Variants in ZNF324B observed in about 807,000 individuals in gnomAD.
The protein encoded by ZNF324B is zinc finger protein 324B.
Under a neutral mutation model 10.6 loss-of-function variants are expected in ZNF324B, and 7 were observed. That is an observed-to-expected ratio of 0.66 (90% CI 0.38 to 1.24). The LOEUF (loss-of-function observed/expected upper bound fraction) is 1.24, where lower values mean the gene tolerates loss of function less well. ZNF324B is among the 50% of genes most tolerant of loss of function. The pLI is 0.02. For synonymous variants in ZNF324B, 316 were observed against 321.0 expected (o/e 0.98, Z 0.17); for missense variants, 640 against 764.7 (o/e 0.84, Z 1.92).
At chr19:58,419,334 T>C in the ZNF324B span, 2 of 152,140 alleles carry the variant, frequency 1.3e-5, no homozygotes, top group Non-Finnish European at 2.9e-5. Context: ...GGAGGTAAGT[T>C]ATAGACTGAC....
chr19:58,446,573 C>CTCTCTTTT, the ZNF324B span, among the ~76,000 whole-genome samples: 860 of 102,514 alleles, frequency 8.4e-3, 37 homozygotes, highest in African/African-American at 0.021. Context: ...ATTTCTTTCT[C>CTCTCTTTT]TTTTTTTTTT....
the ZNF324B span, among the ~76,000 whole-genome samples, chr19:58,421,084 T>C: frequency 1.3e-4 from 20 of 151,798 alleles, no homozygotes. Context: ...CTTCCAGCTG[T>C]TGCCATGCTA....
chr19:58,425,487 T>C, the ZNF324B span, among the ~76,000 whole-genome samples: 2 of 151,092 alleles, frequency 1.3e-5, 1 homozygote, highest in South Asian at 4.2e-4. Context: ...TTTTTTTTTT[T>C]TAGACAGAAT....
At chr19:58,423,673 T>G in the ZNF324B span, among the ~76,000 whole-genome samples, 5 of 152,106 alleles carry the variant, frequency 3.3e-5, no homozygotes, top group Admixed American at 2.0e-4. Context: ...GAAAATATAT[T>G]ACAAGGCTAT....
the ZNF324B span, chr19:58,445,441 C>T: frequency 1.9e-6 from 1 of 519,014 alleles, no homozygotes; most frequent in African/African-American, 1.9e-5. Flanking sequence ...CCTTGCTTGG[C>T]ACCAGAAACT....
upstream of ZNF324B, among the ~76,000 whole-genome samples, chr19:58,446,633 G>T (rs2122326715): frequency 7.2e-6 from 1 of 139,210 alleles, no homozygotes; most frequent in South Asian, 2.3e-4. Flanking sequence ...CTGGAGTGCA[G>T]TGGTGCGATC....
chr19:58,436,991 TG>T, the ZNF324B span: 1 of 1,611,990 alleles, frequency 6.2e-7, no homozygotes, highest in South Asian at 1.1e-5. Context: ...GAGCTTTCTA[TG>T]GGGAAAAGAC....
chr19:58,434,936 A>C, the ZNF324B span: 1 of 1,614,164 alleles, frequency 6.2e-7, no homozygotes, highest in South Asian at 1.1e-5. Context: ...TACCATCTAA[A>C]GGGCTTCCCT....
the ZNF324B span, among the ~76,000 whole-genome samples, chr19:58,439,291 C>T: frequency 1.3e-5 from 2 of 152,206 alleles, no homozygotes; most frequent in Admixed American, 6.5e-5. Flanking sequence ...CACTAGGCAT[C>T]CATAGGGCGT....
chr19:58,435,932 T>C, the ZNF324B span, among the ~76,000 whole-genome samples: 1 of 152,112 alleles, frequency 6.6e-6, no homozygotes, highest in Non-Finnish European at 1.5e-5. Context: ...ACCTAAAAAA[T>C]GGAAACAAGC....
the ZNF324B span, among the ~76,000 whole-genome samples, chr19:58,420,910 T>C: frequency 7.2e-3 from 1,098 of 151,594 alleles, 14 homozygotes; most frequent in African/African-American, 0.024. Flanking sequence ...TTCACCATGC[T>C]GGCCAGGCTG....
chr19:58,433,593 G>T, the ZNF324B span: 1 of 1,613,952 alleles, frequency 6.2e-7, no homozygotes, highest in Non-Finnish European at 8.5e-7. Flanking sequence ...GAACTCTCCA[G>T]TGACAAATAA....
At chr19:58,446,155 A>C in the ZNF324B span, among the ~76,000 whole-genome samples, 1 of 152,164 alleles carries the variant, frequency 6.6e-6, no homozygotes, top group Non-Finnish European at 1.5e-5. Flanking sequence ...CAAACAAAAC[A>C]AAACCCAGCC....
the ZNF324B span, chr19:58,439,963 G>C: frequency 1.3e-6 from 1 of 759,614 alleles, no homozygotes; most frequent in South Asian, 1.7e-5. Flanking sequence ...GCTGGGTATG[G>C]AGACCCTGGA....
At chr19:58,419,963 C>G in the ZNF324B span, among the ~76,000 whole-genome samples, 1 of 152,180 alleles carries the variant, frequency 6.6e-6, no homozygotes, top group Non-Finnish European at 1.5e-5. Context: ...CAGTTACACA[C>G]CACCACACTC....
chr19:58,451,787 C>A (rs1306184132), intron 1 of ZNF324B, 83 bp downstream of exon 1: 2 of 310,620 alleles, frequency 6.4e-6, no homozygotes, highest in Non-Finnish European at 1.2e-5. Flanking sequence ...CGGTCGGGCC[C>A]CGGCGGGAAC....
chr19:58,427,291 TTTTCTTTC>T, the ZNF324B span, among the ~76,000 whole-genome samples: 12 of 58,382 alleles, frequency 2.1e-4, no homozygotes, highest in Admixed American at 7.5e-4. Context: ...TGCCTGGCTT[TTTTCTTTC>T]TTTCTTTCTT....
chr19:58,452,572 G>A (rs1455810513), intron 1 of ZNF324B: 1 of 307,236 alleles, frequency 3.3e-6, no homozygotes, highest in Non-Finnish European at 4.8e-6. Flanking sequence ...TGTTCAGCCT[G>A]AGCGCCTGGA....
chr19:58,436,430 G>A, the ZNF324B span: 2 of 156,014 alleles, frequency 1.3e-5, no homozygotes, highest in Admixed American at 1.2e-4. Context: ...ACTTTGGGAG[G>A]CTGAGGTGGG....
Sources: gnomAD v4.1 joint callset for allele counts (sites outside exome capture counted in the v4.1 genomes callset) on GRCh38, gnomAD v4.1.1 for gene constraint, MANE v1.5 for transcripts, NCBI Gene and HGNC (gene_info 2026-07-23, HGNC 2026-07-21) for gene names.